Variants in LRRC37A2 observed in about 807,000 individuals in gnomAD.
The protein encoded by LRRC37A2 is leucine-rich repeat-containing protein 37A2.
In LRRC37A2, 9 loss-of-function variants were observed where a neutral mutation model predicts 68.8. That is an observed-to-expected ratio of 0.13 (90% confidence interval 0.08 to 0.23). The LOEUF (loss-of-function observed/expected upper bound fraction) is 0.23. LRRC37A2 is among the 10% of genes least tolerant of loss of function. LRRC37A2 has a pLI of 1.00. For synonymous variants in LRRC37A2, 63 were observed against 367.6 expected, an observed-to-expected ratio of 0.17 and a Z score of 9.48; for missense variants, 168 against 950.4, an observed-to-expected ratio of 0.18 and a Z score of 10.82.
At chr17:46,877,379 G>A in the LRRC37A2 span, among the ~76,000 whole-genome samples, 11 of 152,304 alleles carry the variant, frequency 7.2e-5, no homozygotes, top group Non-Finnish European at 1.2e-4. Context: ...TCCTTGATTT[G>A]GCTTTTCAAA....
At chr17:46,938,117 C>T in the LRRC37A2 span, 1 of 206,758 alleles carries the variant, frequency 4.8e-6, no homozygotes, top group South Asian at 7.7e-5. Flanking sequence ...CCCACCCACC[C>T]CTCCCAGAGT....
the LRRC37A2 span, among the ~76,000 whole-genome samples, chr17:46,843,983 C>T: frequency 6.6e-6 from 1 of 152,224 alleles, no homozygotes; most frequent in Non-Finnish European, 1.5e-5. Flanking sequence ...GGTTCTTGCT[C>T]TGTTGCAGTT....
the LRRC37A2 span, chr17:46,938,556 G>T: frequency 6.2e-7 from 1 of 1,612,814 alleles, no homozygotes; most frequent in African/African-American, 1.3e-5. Flanking sequence ...TCTTGGTAAA[G>T]CGACTTGATG....
the LRRC37A2 span, chr17:47,010,797 C>T: frequency 3.3e-5 from 5 of 152,238 alleles, no homozygotes; most frequent in Non-Finnish European, 7.3e-5. Context: ...GGTGGGAACA[C>T]ACCTTCTGGA....
the LRRC37A2 span, chr17:46,713,787 A>G: frequency 6.5e-7 from 1 of 1,528,930 alleles, no homozygotes; most frequent in Non-Finnish European, 8.9e-7. Context: ...TAAAAGTTTA[A>G]ACTTGTTTTA....
the LRRC37A2 span, among the ~76,000 whole-genome samples, chr17:46,989,673 GGCCAGTGGGACAAC>G: frequency 0.1 from 15,182 of 152,274 alleles, 845 homozygotes; most frequent in South Asian, 0.22. Context: ...GATTGGCTTT[GGCCAGTGGGACAAC>G]TGAAAGCGTA....
chr17:46,917,314 G>A, the LRRC37A2 span: 1 of 152,212 alleles, frequency 6.6e-6, no homozygotes, highest in East Asian at 1.9e-4. Context: ...AAACTACAAT[G>A]GTGGTACAGG....
intron 8 of LRRC37A2, among the ~76,000 whole-genome samples, chr17:46,543,723 G>A (rs2055839710): frequency 6.6e-6 from 1 of 150,946 alleles, no homozygotes; most frequent in African/African-American, 2.5e-5. Flanking sequence ...GATTCCAGAT[G>A]AAAGTTATAC....
At chr17:46,989,106 A>G in the LRRC37A2 span, among the ~76,000 whole-genome samples, 3 of 152,218 alleles carry the variant, frequency 2.0e-5, no homozygotes, top group African/African-American at 4.8e-5. Context: ...CTCTGCTAGC[A>G]TAGCCAAGGA....
chr17:46,765,089 T>C, the LRRC37A2 span, among the ~76,000 whole-genome samples: 1 of 152,268 alleles, frequency 6.6e-6, no homozygotes, highest in African/African-American at 2.4e-5. Flanking sequence ...TTCCTTCCCA[T>C]TGGAGCAGCA....
chr17:46,708,536 G>A, the LRRC37A2 span, among the ~76,000 whole-genome samples: 1 of 140,432 alleles, frequency 7.1e-6, no homozygotes, highest in African/African-American at 2.6e-5. Context: ...CTGTCACCCA[G>A]GCTGGAGTGC....
At chr17:47,038,287 T>G in the LRRC37A2 span, among the ~76,000 whole-genome samples, 17,421 of 151,938 alleles carry the variant, frequency 0.11, 1,106 homozygotes, top group South Asian at 0.22. Context: ...GGAAACAGAG[T>G]GAAAACCTGT....
the LRRC37A2 span, among the ~76,000 whole-genome samples, chr17:46,381,919 GA>G: frequency 1.7e-5 from 2 of 115,794 alleles, no homozygotes; most frequent in East Asian, 4.5e-4. Context: ...ATATCCATGT[GA>G]TTACCACTGA....
the LRRC37A2 span, among the ~76,000 whole-genome samples, chr17:46,824,974 G>A: frequency 6.6e-6 from 1 of 152,244 alleles, no homozygotes; most frequent in Non-Finnish European, 1.5e-5. Context: ...GGGGGCATCT[G>A]GGGCTTGGTG....
the LRRC37A2 span, among the ~76,000 whole-genome samples, chr17:46,793,195 G>A: frequency 6.9e-6 from 1 of 144,080 alleles, no homozygotes; most frequent in Non-Finnish European, 1.5e-5. Flanking sequence ...GATTGCTTGA[G>A]CCCAGGAGGT....
the LRRC37A2 span, chr17:46,939,747 A>T: frequency 1.0e-6 from 1 of 987,244 alleles, no homozygotes; most frequent in African/African-American, 1.7e-5. Context: ...TGTCCTTGTA[A>T]CACTCTGTTT....
the LRRC37A2 span, among the ~76,000 whole-genome samples, chr17:46,769,512 T>C: frequency 6.6e-6 from 1 of 151,888 alleles, no homozygotes; most frequent in Non-Finnish European, 1.5e-5. Flanking sequence ...GTGCACAGGA[T>C]GGGTGGTGGG....
chr17:46,788,385 C>G, the LRRC37A2 span, among the ~76,000 whole-genome samples: 2 of 152,296 alleles, frequency 1.3e-5, no homozygotes, highest in East Asian at 3.9e-4. Flanking sequence ...TCTGAGCAGC[C>G]AAGTCTGCTG....
the LRRC37A2 span, among the ~76,000 whole-genome samples, chr17:46,575,010 C>T: frequency 1.3e-5 from 1 of 74,378 alleles, no homozygotes; most frequent in Non-Finnish European, 3.5e-5. Context: ...GCATGAGAAT[C>T]GCCTGAACCC....
Sources: gnomAD v4.1 joint callset for allele counts (sites outside exome capture counted in the v4.1 genomes callset) on GRCh38, gnomAD v4.1.1 for gene constraint, MANE v1.5 for transcripts, NCBI Gene and HGNC (gene_info 2026-07-23, HGNC 2026-07-21) for gene names.